The following RPH3AL variants were observed in gnomAD, a reference collection of about 807,000 sequenced individuals.
The protein encoded by RPH3AL is rabphilin 3A like (without C2 domains), also known as rab effector Noc2.
A neutral mutation model predicts 43.1 loss-of-function variants in RPH3AL; 38 were observed. That is an observed-to-expected ratio of 0.88 (90% CI 0.68 to 1.15). The LOEUF is 1.15. RPH3AL is among the 50% of genes most tolerant of loss of function. The pLI is 0.00. For missense variants in RPH3AL, 462 were observed against 423.2 expected (o/e 1.09, Z -0.81); for synonymous variants, 189 against 176.3 (o/e 1.07, Z -0.57).
intron 7 of RPH3AL, among the ~76,000 whole-genome samples, chr17:241,761 T>C (rs2151530872): frequency 6.6e-6 from 1 of 151,484 alleles, no homozygotes; most frequent in South Asian, 2.1e-4. Flanking sequence ...CTCTTTCTCT[T>C]TTTCACACAC....
At chr17:312,914 G>A (rs1567504346) in intron 5 of RPH3AL, among the ~76,000 whole-genome samples, 1 of 152,194 alleles carries the variant, frequency 6.6e-6, no homozygotes, top group South Asian at 2.1e-4. Context: ...CCAGGTGCTT[G>A]CAGGAACACG....
intron 2 of RPH3AL, chr17:332,705 G>A (rs1029788474): frequency 4.1e-6 from 1 of 246,864 alleles, no homozygotes; most frequent in Admixed American, 4.6e-5. Flanking sequence ...GATTCCCCAC[G>A]GGGTAGTCGG....
chr17:314,587 G>C (rs2043815965), intron 5 of RPH3AL, among the ~76,000 whole-genome samples: 1 of 116,974 alleles, frequency 8.5e-6, no homozygotes, highest in African/African-American at 3.0e-5. Flanking sequence ...GGCAGTCTCT[G>C]TGCTCCACCT....
At chr17:312,122 C>T (rs1222751285) in intron 5 of RPH3AL, among the ~76,000 whole-genome samples, 4 of 152,108 alleles carry the variant, frequency 2.6e-5, no homozygotes, top group East Asian at 1.9e-4. Context: ...GGCAACAAAG[C>T]GATACCCTGT....
At chr17:337,822 G>T (rs2045002504) in intron 1 of RPH3AL, among the ~76,000 whole-genome samples, 1 of 152,240 alleles carries the variant, frequency 6.6e-6, no homozygotes, top group Non-Finnish European at 1.5e-5. Context: ...CACGTAGGAG[G>T]TTTCACTTAA....
chr17:219,911 T>G (rs1035165370), intron 7 of RPH3AL, among the ~76,000 whole-genome samples, 175 bp from the exon 8 acceptor site: 2 of 152,262 alleles, frequency 1.3e-5, no homozygotes, highest in African/African-American at 4.8e-5. Context: ...GACACACATT[T>G]CTGCTGCACA....
intron 5 of RPH3AL, among the ~76,000 whole-genome samples, chr17:307,919 G>A (rs2151649279): frequency 6.6e-6 from 1 of 152,344 alleles, no homozygotes; most frequent in South Asian, 2.1e-4. Flanking sequence ...GTTCCAAGAT[G>A]CCGTGCGGTG....
intron 1 of RPH3AL, among the ~76,000 whole-genome samples, chr17:350,213 G>A (rs567562221): frequency 3.3e-5 from 5 of 152,268 alleles, no homozygotes; most frequent in African/African-American, 1.2e-4. Context: ...CAGGCTGGGC[G>A]CGGTGGCTCA....
chr17:315,507 A>C (rs201591339), intron 5 of RPH3AL, among the ~76,000 whole-genome samples: 606 of 71,410 alleles, frequency 8.5e-3, no homozygotes, highest in Middle Eastern at 0.025. Flanking sequence ...CTGTGACTCC[A>C]CCTCCATTGA....
chr17:242,932 G>A (rs1347141702), intron 7 of RPH3AL, among the ~76,000 whole-genome samples: 4 of 124,104 alleles, frequency 3.2e-5, no homozygotes, highest in Admixed American at 8.4e-5. Flanking sequence ...TTCCTCTATT[G>A]ACTACCTTCC....
At position 290,722 on chromosome 17, in the gene RPH3AL, C is replaced by G. The variant is rs1468225605; in HGVS notation, c.352-8868G>C. Among the ~76,000 whole-genome samples the G allele has an allele frequency of 6.6e-6, 1 of 152,176 alleles. No homozygotes were observed. Among genetic ancestry groups the G allele is most frequent in the African/African-American group, 2.4e-5 (1 of 41,448 alleles). ...TCATGATGAGGAATTCCACCACGCT[C>G]CCGCAGATCAGAAGACGGGAAGGGG... On this transcript the variant is annotated intron_variant, in intron 5 of 9. Coordinates refer to ENST00000331302, the MANE Select transcript of RPH3AL (RefSeq NM_006987.4). The surrounding 1 kb of genome is among the most constrained non-coding windows in gnomAD (Gnocchi z 4.2).
rs1010780571 is a variant in RPH3AL, at chr17:274,211, G to A, written c.438+7557C>T. The stretch of plus-strand genomic sequence containing the variant: ...ACTAACGCACCCATGAAAGCACGTG[G>A]AAAAGGCACCGCGAAACCCCAGCCC... On this transcript the variant is annotated intron_variant, in intron 6 of 9. Coordinates refer to ENST00000331302, the MANE Select transcript of RPH3AL (RefSeq NM_006987.4). This position sits in a 1 kb window ranked among gnomAD's most constrained non-coding sequence, Gnocchi z 4.7. Among the ~76,000 whole-genome samples, 1 of 152,254 alleles carries A rather than the reference G, an allele frequency of 6.6e-6. No homozygotes were observed. The highest frequency in any genetic ancestry group is 2.4e-5 in the African/African-American group (1 of 41,472).
At chr17:263,209 C>T (rs2042241726) in intron 6 of RPH3AL, among the ~76,000 whole-genome samples, 1 of 152,182 alleles carries the variant, frequency 6.6e-6, no homozygotes, top group African/African-American at 2.4e-5. Context: ...ATATCCACAG[C>T]TCACACACAG....
rs1455870105 is a variant in RPH3AL, at chr17:235,620, G to A, written c.613+11491C>T. The stretch of plus-strand genomic sequence containing the variant: ...GGATCCCGGGTTCAAAGCTGGGGTC[G>A]GCGGAGGCTCCACACTAACAAGATG... On this transcript the variant is annotated intron_variant, in intron 7 of 9. Coordinates refer to ENST00000331302, the MANE Select transcript of RPH3AL (RefSeq NM_006987.4). 9.2e-5 allele frequency among the ~76,000 whole-genome samples: 13 copies of A among 140,660 alleles called. 1 individual carries two copies. The highest frequency in any genetic ancestry group is 2.9e-4 in the Admixed American group (4 of 13,766). 92.3% of individuals were successfully genotyped at this position (140,660 alleles called of 152,430 possible). A position where few individuals can be genotyped will look rare whatever the true frequency, so the allele number is the denominator to read the frequency against.
chr17:340,476 C>T (rs2045086021), intron 1 of RPH3AL, among the ~76,000 whole-genome samples: 3 of 50,586 alleles, frequency 5.9e-5, no homozygotes, highest in Non-Finnish European at 1.2e-4. Context: ...ACACTCACTG[C>T]CCCCCACCCA....
chr17:233,246 C>T (rs148059991), intron 7 of RPH3AL, among the ~76,000 whole-genome samples: 5 of 152,128 alleles, frequency 3.3e-5, no homozygotes, highest in Non-Finnish European at 7.4e-5. Flanking sequence ...TGCTCTACCC[C>T]CCGCCTGAAA....
intron 7 of RPH3AL, among the ~76,000 whole-genome samples, chr17:230,020 C>T (rs1361771846): frequency 6.6e-6 from 1 of 152,124 alleles, no homozygotes; most frequent in Non-Finnish European, 1.5e-5. Context: ...AGGACTACCT[C>T]AGAGGGCTGG....
Position 277,682 on chromosome 17 carries a change from T to C in RPH3AL, c.438+4086A>G, listed in dbSNP as rs189888500. Among the ~76,000 whole-genome samples, 59 of 152,202 alleles carry C rather than the reference T, an allele frequency of 3.9e-4. 1 individual carries two copies. The highest frequency in any genetic ancestry group is 3.4e-3 in the Middle Eastern group (1 of 294). ...ATAAAACCAAAGTCTTGGCCAGGTG[T>C]AGTGGCTCACGCCTGTAATCTCAGC... On this transcript the variant is annotated intron_variant, in intron 6 of 9. Coordinates refer to ENST00000331302, the MANE Select transcript of RPH3AL (RefSeq NM_006987.4).
intron 6 of RPH3AL, among the ~76,000 whole-genome samples, chr17:260,933 A>T (rs1375583820): frequency 2.0e-5 from 3 of 151,948 alleles, no homozygotes; most frequent in African/African-American, 7.3e-5. Context: ...AGCCTTTGGG[A>T]AATCACTTTT....
Sources: gnomAD v4.1 joint callset for allele counts (sites outside exome capture counted in the v4.1 genomes callset) on GRCh38, gnomAD v4.1.1 for gene constraint, Gnocchi (gnomAD v3.1) non-coding constraint, MANE v1.5 for transcripts, NCBI Gene and HGNC (gene_info 2026-07-23, HGNC 2026-07-21) for gene names.